PIK3C2G: variants seen among roughly 807,000 people sequenced by gnomAD.
PIK3C2G encodes the protein phosphatidylinositol 3-kinase C2 domain-containing subunit gamma.
In PIK3C2G, 168 loss-of-function variants were observed where a neutral mutation model predicts 181.1. That is an observed-to-expected ratio of 0.93 (90% confidence interval 0.82 to 1.05). The LOEUF (loss-of-function observed/expected upper bound fraction) is 1.05. Among genes scored for constraint, PIK3C2G ranks in the 50% least tolerant of loss-of-function variants. The pLI, the probability that PIK3C2G is intolerant of heterozygous loss-of-function variation, is 0.00. For missense variants in PIK3C2G, 1,869 were observed against 1,732.8 expected, an observed-to-expected ratio of 1.08 and a Z score of -1.40; for synonymous variants, 573 against 592.2, an observed-to-expected ratio of 0.97 and a Z score of 0.47.
chr12:18,292,831 G>C (rs193101654), intron 4 of PIK3C2G, among the ~76,000 whole-genome samples: 1 of 152,262 alleles, frequency 6.6e-6, no homozygotes, highest in Non-Finnish European at 1.5e-5. Context: ...GGTGGATTTG[G>C]AGTCTGACAG....
chr12:18,311,608 TA>T (rs1435870183), intron 5 of PIK3C2G, among the ~76,000 whole-genome samples: 1 of 152,084 alleles, frequency 6.6e-6, no homozygotes, highest in African/African-American at 2.4e-5. Context: ...AGTATATGTG[TA>T]CATACATGTA....
chr12:18,317,452 A>G (rs569544996), intron 6 of PIK3C2G, among the ~76,000 whole-genome samples: 2 of 152,298 alleles, frequency 1.3e-5, no homozygotes, highest in Non-Finnish European at 2.9e-5. Flanking sequence ...GTAACAATTG[A>G]TTAATTTAAC....
chr12:18,483,155 T>C lies in PIK3C2G; in HGVS notation c.2505-5294T>C, dbSNP rs117136477. ...CTTTTCAGCCACTTCAGTCCTCAAA[T>C]ATTACCATTAGGGTAGAGCCGAAGT... On this transcript the variant is annotated intron_variant, in intron 18 of 32. Transcript: ENST00000538779. Among the ~76,000 whole-genome samples, 1,279 of 152,280 alleles carry C rather than the reference T, an allele frequency of 8.4e-3. 12 individuals are homozygous for C. Among genetic ancestry groups the C allele is most frequent in the Middle Eastern group, 0.017 (5 of 294 alleles).
chr12:18,681,262 A>C, the PIK3C2G span, among the ~76,000 whole-genome samples: 1 of 152,030 alleles, frequency 6.6e-6, no homozygotes, highest in Non-Finnish European at 1.5e-5. Flanking sequence ...CAGGGAATAT[A>C]ACCTAATCTA....
intron 18 of PIK3C2G, among the ~76,000 whole-genome samples, chr12:18,435,478 AC>A (rs1946397080): frequency 6.6e-6 from 1 of 151,990 alleles, no homozygotes; most frequent in Admixed American, 6.6e-5. Context: ...GTCATGGGTA[AC>A]CTCCAGCTGG....
intron 13 of PIK3C2G, among the ~76,000 whole-genome samples, chr12:18,376,204 A>G (rs1157673879): frequency 6.6e-6 from 1 of 152,238 alleles, no homozygotes; most frequent in African/African-American, 2.4e-5. Context: ...ATCTCAGCAT[A>G]GAAAAGCCAC....
intron 29 of PIK3C2G, among the ~76,000 whole-genome samples, chr12:18,571,478 A>G (rs1945940462): frequency 6.6e-6 from 1 of 150,774 alleles, no homozygotes; most frequent in Non-Finnish European, 1.5e-5. Context: ...ACATCTAACT[A>G]CTTCTCATTA....
At chr12:18,407,838 G>A (rs573570748) in intron 16 of PIK3C2G, among the ~76,000 whole-genome samples, 2 of 152,246 alleles carry the variant, frequency 1.3e-5, no homozygotes, top group African/African-American at 4.8e-5. Context: ...CTTGAGACAG[G>A]AACTGCACAT....
intron 31 of PIK3C2G, among the ~76,000 whole-genome samples, chr12:18,612,887 G>A (rs1948413903): frequency 1.3e-5 from 2 of 151,966 alleles, no homozygotes; most frequent in Non-Finnish European, 2.9e-5. Context: ...TTCCTCCTGT[G>A]AGATCACAAA....
At chr12:18,312,045 CT>C (rs1316469594) in intron 5 of PIK3C2G, among the ~76,000 whole-genome samples, 2 of 152,180 alleles carry the variant, frequency 1.3e-5, no homozygotes, top group African/African-American at 4.8e-5. Flanking sequence ...CCACGTTTCT[CT>C]GCCTGCTTTT....
chr12:18,661,690 G>A, the PIK3C2G span, among the ~76,000 whole-genome samples: 1 of 152,092 alleles, frequency 6.6e-6, no homozygotes, highest in Non-Finnish European at 1.5e-5. Flanking sequence ...CTTATACACT[G>A]CTGGTGGGAA....
chr12:18,386,069 C>T (rs1451895617), intron 14 of PIK3C2G, among the ~76,000 whole-genome samples: 1 of 152,112 alleles, frequency 6.6e-6, no homozygotes, highest in East Asian at 1.9e-4. Context: ...TTTCTCCCTC[C>T]TCCTTCCACA....
chr12:18,443,582 C>T (rs549687547), intron 18 of PIK3C2G, among the ~76,000 whole-genome samples: 1 of 151,916 alleles, frequency 6.6e-6, no homozygotes, highest in Admixed American at 6.6e-5. Context: ...AAAACTCCTT[C>T]TATATGTATC....
At chr12:18,721,844 C>T in the PIK3C2G span, among the ~76,000 whole-genome samples, 1 of 151,950 alleles carries the variant, frequency 6.6e-6, no homozygotes, top group Non-Finnish European at 1.5e-5. Context: ...ACCAAATTGT[C>T]ACTAAGACTC....
At chr12:18,274,002 G>A (rs1208550638) in intron 1 of PIK3C2G, among the ~76,000 whole-genome samples, 1 of 152,060 alleles carries the variant, frequency 6.6e-6, no homozygotes, top group Non-Finnish European at 1.5e-5. Context: ...GATATGAACA[G>A]ACACTTCTTG....
intron 11 of PIK3C2G, among the ~76,000 whole-genome samples, chr12:18,357,802 CG>C (rs1940886284): frequency 6.6e-6 from 1 of 152,092 alleles, no homozygotes; most frequent in African/African-American, 2.4e-5. Context: ...TCCAAGTGCC[CG>C]GTAACCAACA....
chr12:18,279,912 G>T (rs1949139850), intron 1 of PIK3C2G, among the ~76,000 whole-genome samples: 1 of 151,816 alleles, frequency 6.6e-6, no homozygotes, highest in South Asian at 2.1e-4. Context: ...AATATATAAA[G>T]TATAATAAAT....
chr12:18,461,035 T>C (rs1047386246), intron 18 of PIK3C2G, among the ~76,000 whole-genome samples: 2 of 152,200 alleles, frequency 1.3e-5, no homozygotes, highest in African/African-American at 4.8e-5. Flanking sequence ...GCCTTTAGTG[T>C]ACCTCAGTGG....
At chr12:18,537,835 A>T (rs1209153370) in intron 24 of PIK3C2G, among the ~76,000 whole-genome samples, 1 of 152,026 alleles carries the variant, frequency 6.6e-6, no homozygotes, top group African/African-American at 2.4e-5. Context: ...GACTCTATAA[A>T]TATCAGCTTC....
Sources: gnomAD v4.1 joint callset for allele counts (sites outside exome capture counted in the v4.1 genomes callset) on GRCh38, gnomAD v4.1.1 for gene constraint, MANE v1.5 for transcripts, NCBI Gene and HGNC (gene_info 2026-07-23, HGNC 2026-07-21) for gene names.